The following KIAA1671 variants were observed in gnomAD, a reference collection of about 807,000 sequenced individuals.
KIAA1671 encodes KIAA1671.
Under a neutral mutation model 131.2 loss-of-function variants are expected in KIAA1671, and 52 were observed. That is an observed-to-expected ratio of 0.40 (90% confidence interval 0.32 to 0.50). The LOEUF (loss-of-function observed/expected upper bound fraction) is 0.50. KIAA1671 is among the 20% of genes least tolerant of loss of function. The pLI, the probability that KIAA1671 is intolerant of heterozygous loss-of-function variation, is 0.73. For missense variants in KIAA1671, 2,360 were observed against 2,364.2 expected (o/e 1.00, Z 0.04); for synonymous variants, 1,003 against 961.6 (o/e 1.04, Z -0.80).
chr22:25,058,323 C>T (rs1236292217), intron 6 of KIAA1671: 1 of 152,244 alleles, frequency 6.6e-6, no homozygotes, highest in Non-Finnish European at 1.5e-5. Context: ...ATGGTATGTT[C>T]ATTACCATCA....
chr22:24,958,436 G>A (rs149121106), intron 1 of KIAA1671, among the ~76,000 whole-genome samples: 2,837 of 152,094 alleles, frequency 0.019, 81 homozygotes, highest in African/African-American at 0.063. Flanking sequence ...GATCACCTGA[G>A]GTCAGGAGTT....
intron 10 of KIAA1671, among the ~76,000 whole-genome samples, chr22:25,182,624 C>G (rs1271724492): frequency 6.6e-6 from 1 of 152,206 alleles, no homozygotes; most frequent in Non-Finnish European, 1.5e-5. Flanking sequence ...TACCAACTTA[C>G]TTGGCTTTCA....
At chr22:25,018,477 CATT>C (rs1235230143) in intron 1 of KIAA1671, among the ~76,000 whole-genome samples, 18 of 151,990 alleles carry the variant, frequency 1.2e-4, no homozygotes, top group Admixed American at 8.5e-4. Context: ...AGTACATTCA[CATT>C]GTTGTGTGAC....
rs913748792 is a variant in KIAA1671 at position 25,055,867 on chromosome 22, G to A, written c.4530+6503G>A. 3 of 149,248 alleles carry A rather than the reference G, an allele frequency of 2.0e-5. 1 individual carries two copies. Among genetic ancestry groups the A allele is most frequent in the Non-Finnish European group, 4.5e-5 (3 of 67,098 alleles). The allele number at this position is 149,248 out of a possible 1,614,324, so 9.2% of individuals were successfully genotyped here. ...AGATACAGATATAGAGAGAGAGACA[G>A]GCAAACAGACAGACAGGATCTGGCT... On this transcript the variant is annotated intron_variant, in intron 6 of 12. Coordinates refer to ENST00000358431, the MANE Select transcript of KIAA1671 (RefSeq NM_001145206.2).
chr22:25,144,024 T>TA (rs372555534), intron 6 of KIAA1671, among the ~76,000 whole-genome samples: 96 of 151,570 alleles, frequency 6.3e-4, no homozygotes, highest in African/African-American at 2.3e-3. Context: ...AAAAATGAAC[T>TA]AAAAAAAATG....
intron 6 of KIAA1671, among the ~76,000 whole-genome samples, chr22:25,071,320 A>T (rs1477638695): frequency 6.6e-6 from 1 of 152,144 alleles, no homozygotes; most frequent in East Asian, 1.9e-4. Flanking sequence ...TTGCCCAGAG[A>T]ATTTTCCAGC....
Position 25,039,004 on chromosome 22 carries a change from C to A in KIAA1671, c.1874C>A (p.Ala625Asp), listed in dbSNP as rs2145804247. 6.4e-7 allele frequency: 1 copy of A among 1,551,752 alleles called. No homozygotes were observed. The highest frequency in any genetic ancestry group is 1.4e-5 in the African/African-American group (1 of 73,196). ...CACCACGTGGAGAGACACACAGTGG[C>A]TGACCAGTCGGGACGTTGTCTCTCC... is the stretch of plus-strand genomic sequence containing the variant. ...FEHHVERHTV[A>D]DQSGRCLSTT... Residue 625 changes from alanine (A) to aspartate (D), a missense_variant, in exon 5 of 13, where the codon GCT becomes GAT. Transcript: ENST00000358431.
At chr22:25,074,715 ATCTG>A (rs372322029) in intron 6 of KIAA1671, among the ~76,000 whole-genome samples, 115 of 152,098 alleles carry the variant, frequency 7.6e-4, no homozygotes, top group African/African-American at 2.6e-3. Flanking sequence ...TTTATCATCT[ATCTG>A]TCTGTCTGTC....
intron 6 of KIAA1671, among the ~76,000 whole-genome samples, chr22:25,165,518 C>T (rs1391915637): frequency 6.6e-6 from 1 of 152,230 alleles, no homozygotes; most frequent in East Asian, 1.9e-4. Context: ...ATTCTCCATG[C>T]TGTTCAGCAT....
intron 1 of KIAA1671, among the ~76,000 whole-genome samples, chr22:24,988,334 C>G (rs1463017066): frequency 1.3e-5 from 2 of 151,174 alleles, no homozygotes; most frequent in East Asian, 3.9e-4. Flanking sequence ...AAACTGGGAG[C>G]ACTTGTTATT....
intron 6 of KIAA1671, among the ~76,000 whole-genome samples, chr22:25,088,875 T>C (rs1484358662): frequency 7.3e-6 from 1 of 136,810 alleles, no homozygotes; most frequent in Non-Finnish European, 1.7e-5. Context: ...TATGTACATA[T>C]GTACACACAC....
At chr22:24,998,822 A>G (rs181336582) in intron 1 of KIAA1671, among the ~76,000 whole-genome samples, 1 of 150,710 alleles carries the variant, frequency 6.6e-6, no homozygotes, top group East Asian at 1.9e-4. Context: ...AAACCATCCT[A>G]TGTTGGGGAC....
intron 1 of KIAA1671, among the ~76,000 whole-genome samples, chr22:25,000,839 AG>A (rs576094251): frequency 1.1e-3 from 163 of 150,494 alleles, no homozygotes; most frequent in African/African-American, 3.8e-3. Flanking sequence ...GAACAGAGAC[AG>A]GTTCTTGCCA....
chr22:25,095,115 G>T (rs887230935), intron 6 of KIAA1671, among the ~76,000 whole-genome samples: 3 of 152,142 alleles, frequency 2.0e-5, no homozygotes, highest in Admixed American at 6.5e-5. Flanking sequence ...GCCTCATGCA[G>T]TCATTTCCTA....
chr22:24,998,903 A>G, intron 1 of KIAA1671, among the ~76,000 whole-genome samples: 1 of 152,016 alleles, frequency 6.6e-6, no homozygotes, highest in East Asian at 1.9e-4. Flanking sequence ...TTTATGTATC[A>G]AATGTAGTGC....
In KIAA1671 at chr22:25,132,361, G is replaced by A. The variant is rs73882011; in HGVS notation, c.4531-38459G>A. Among the ~76,000 whole-genome samples, 608 of 152,280 alleles carry A rather than the reference G, an allele frequency of 4.0e-3. 4 individuals are homozygous for A. The highest frequency in any genetic ancestry group is 0.014 in the African/African-American group (567 of 41,554). ...TTAAAAGCTCCTAGGTGATTCTAAG[G>A]TGCAGCCAGGGCTGAGACCCACTGG... On this transcript the variant is annotated intron_variant, in intron 6 of 12. Coordinates refer to ENST00000358431, the MANE Select transcript of KIAA1671 (RefSeq NM_001145206.2).
In KIAA1671 at chr22:25,040,857, G is replaced by A. The variant is rs1316343273; in HGVS notation, c.3727G>A (p.Val1243Met). Residue 1243 changes from valine (V) to methionine (M), a missense_variant, in exon 5 of 13, where the codon GTG (valine) becomes ATG (methionine). Physicochemically the swap from Val to Met is conservative, Grantham distance 21. This residue lies in a region of KIAA1671 where 1,161 missense variants were observed against 1,204.7 expected (regional missense o/e 0.96). Coordinates refer to ENST00000358431, the MANE Select transcript of KIAA1671 (RefSeq NM_001145206.2). ...GGAGAGGCCTGTTCAGCTGGGCGGGGTGGAGCAGAGAAGGAGGAGCCTGAA... is the reference window on the plus strand; with the variant it reads ...GGAGAGGCCTGTTCAGCTGGGCGGGATGGAGCAGAGAAGGAGGAGCCTGAA... ...PRERPVQLGGVEQRRRSLKEM... is the reference protein window; with the variant it reads ...PRERPVQLGGMEQRRRSLKEM... 8 of 1,547,662 alleles carry A rather than the reference G, an allele frequency of 5.2e-6. No individual in the cohort carries two copies. Among genetic ancestry groups the A allele is most frequent in the Non-Finnish European group, 7.0e-6 (8 of 1,144,588 alleles).
At chr22:25,072,067 G>A (rs1260226400) in intron 6 of KIAA1671, among the ~76,000 whole-genome samples, 2 of 152,198 alleles carry the variant, frequency 1.3e-5, no homozygotes, top group East Asian at 3.8e-4. Context: ...TGCTAGGGTA[G>A]GGGTCCAGGG....
chr22:24,965,089 A>G (rs1184760241), intron 1 of KIAA1671, among the ~76,000 whole-genome samples: 1 of 139,016 alleles, frequency 7.2e-6, no homozygotes, highest in Non-Finnish European at 1.5e-5. Context: ...TCTCTGGCAC[A>G]TAGTAGGCTC....
Sources: gnomAD v4.1 joint callset for allele counts (sites outside exome capture counted in the v4.1 genomes callset) on GRCh38, gnomAD v4.1.1 for gene constraint, gnomAD v4.1.1 regional missense constraint, MANE v1.5 for transcripts, NCBI Gene and HGNC (gene_info 2026-07-23, HGNC 2026-07-21) for gene names.